ZER1: variants seen among roughly 807,000 people sequenced by gnomAD.
The protein encoded by ZER1 is zyg-11 related cell cycle regulator, also known as protein zer-1 homolog.
ZER1 carries 11 observed loss-of-function variants against 78.8 expected under a neutral mutation model. That is an observed-to-expected ratio of 0.14 (90% CI 0.09 to 0.23). The LOEUF (loss-of-function observed/expected upper bound fraction) is 0.23. Ranked by LOEUF, ZER1 falls within the 10% of genes least tolerant of loss-of-function variation. The probability of loss-of-function intolerance (pLI) is 1.00; values close to 1 mark genes in which losing one functional copy is unlikely to be tolerated. For missense variants in ZER1, 588 were observed against 996.9 expected, an observed-to-expected ratio of 0.59 and a Z score of 5.52; for synonymous variants, 400 against 407.0, an observed-to-expected ratio of 0.98 and a Z score of 0.21.
intron 8 of ZER1, among the ~76,000 whole-genome samples, chr9:128,750,149 C>T (rs1368890603): frequency 6.6e-6 from 1 of 152,174 alleles, no homozygotes. Context: ...GTTTGTGTAT[C>T]CCATTTACAA....
chr9:128,735,680 GGAGACCTCAGCAAGGAGCA>G (rs1319826848), intron 13 of ZER1, among the ~76,000 whole-genome samples: 2 of 149,424 alleles, frequency 1.3e-5, no homozygotes, highest in Non-Finnish European at 3.0e-5. Context: ...GCAGAAAGCT[GGAGACCTCAGCAAGGAGCA>G]GAGACCCAGC....
Position 128,749,125 on chromosome 9 carries a change from C to T in ZER1, c.1359+1491G>A, listed in dbSNP as rs181828718. Reference sequence around the variant, plus strand: ...GGTGGATCACCTGAGCTCAGGAGTTCGAGACCAGCCTGGCCAACATGGCGA... The same window carrying T: ...GGTGGATCACCTGAGCTCAGGAGTTTGAGACCAGCCTGGCCAACATGGCGA... On this transcript the variant is annotated intron_variant, in intron 8 of 15. Transcript: ENST00000291900. 3.5e-3 allele frequency among the ~76,000 whole-genome samples: 529 copies of T among 149,886 alleles called. 3 individuals carry two copies. Among genetic ancestry groups the T allele is most frequent in the African/African-American group, 0.012 (491 of 40,826 alleles).
In ZER1 at chr9:128,751,926, G is replaced by A. The variant is rs180990933; in HGVS notation, c.924-399C>T. Among the ~76,000 whole-genome samples, 2 of 152,316 alleles carry A rather than the reference G, an allele frequency of 1.3e-5. No individual in the cohort carries two copies. The highest frequency in any genetic ancestry group is 2.4e-5 in the African/African-American group (1 of 41,588). ...TTCTCAACCAACCAATCCAAGAACC[G>A]ACCTATGTCCAGCAATACTCCATAG... is the stretch of plus-strand genomic sequence containing the variant. On this transcript the variant is annotated intron_variant, in intron 5 of 15. Transcript: ENST00000291900. This position sits in a 1 kb window ranked among gnomAD's most constrained non-coding sequence, Gnocchi z 5.4.
intron 1 of ZER1, among the ~76,000 whole-genome samples, chr9:128,766,761 GC>G (rs1864220486): frequency 7.2e-6 from 1 of 138,380 alleles, no homozygotes; most frequent in African/African-American, 2.6e-5. Flanking sequence ...CAGGAGAATC[GC>G]TTGAACCTAG....
intron 1 of ZER1, among the ~76,000 whole-genome samples, chr9:128,759,893 T>C (rs1368816058): frequency 6.6e-6 from 1 of 152,232 alleles, no homozygotes; most frequent in Non-Finnish European, 1.5e-5. Context: ...TGGTTGTTTT[T>C]TTCTGAGACA....
At chr9:128,764,637 G>A (rs1487764632) in intron 1 of ZER1, among the ~76,000 whole-genome samples, 1 of 152,154 alleles carries the variant, frequency 6.6e-6, no homozygotes, top group Non-Finnish European at 1.5e-5. Flanking sequence ...CTGGCACAGA[G>A]ACTGAAGGGC....
intron 1 of ZER1, among the ~76,000 whole-genome samples, chr9:128,759,578 G>A (rs1863976866): frequency 6.6e-6 from 1 of 152,020 alleles, no homozygotes. Flanking sequence ...GGTGGATCAT[G>A]AGGTCAGGAG....
chr9:128,768,148 CA>C (rs1864273796), intron 1 of ZER1, among the ~76,000 whole-genome samples: 1 of 152,120 alleles, frequency 6.6e-6, no homozygotes, highest in Admixed American at 6.5e-5. Context: ...GCTGGAAAAT[CA>C]GTTTCAGCGA....
chr9:128,764,199 G>A (rs1211954709), intron 1 of ZER1, among the ~76,000 whole-genome samples: 1 of 152,110 alleles, frequency 6.6e-6, no homozygotes, highest in East Asian at 1.9e-4. Flanking sequence ...CTCAATGTGG[G>A]GCCTGCCACA....
At chr9:128,736,883 C>A (rs1001150723) in intron 13 of ZER1, among the ~76,000 whole-genome samples, 1 of 151,952 alleles carries the variant, frequency 6.6e-6, no homozygotes, top group African/African-American at 2.4e-5. Context: ...ATGGCTCACA[C>A]CTGTAATCCT....
rs117418656 is a variant in ZER1 at position 128,748,068 on chromosome 9, G to A, written c.1359+2548C>T. Among the ~76,000 whole-genome samples, 530 of 152,136 alleles carry A rather than the reference G, an allele frequency of 3.5e-3. 9 individuals are homozygous for A. In the East Asian group the frequency reaches 0.035, roughly 10 times the overall value. Reference sequence around the variant, plus strand: ...TAGGGGATAGCAAGGGCAACACAGCGAGACCCCGTCACCACATACACACAG... The same window carrying A: ...TAGGGGATAGCAAGGGCAACACAGCAAGACCCCGTCACCACATACACACAG... On this transcript the variant is annotated intron_variant, in intron 8 of 15. Transcript: ENST00000291900.
At position 128,751,039 on chromosome 9, in the gene ZER1, G is replaced by C. The variant is rs1564401469; in HGVS notation, c.1185+83C>G. Reference sequence around the variant, plus strand: ...GGGGACAGGGTGCAGAAGGACACAGGCTCTGGGGACACGGCTCAGCCAAGC... The same window carrying C: ...GGGGACAGGGTGCAGAAGGACACAGCCTCTGGGGACACGGCTCAGCCAAGC... On this transcript the variant is annotated intron_variant, in intron 7 of 15. Coordinates refer to ENST00000291900, the MANE Select transcript of ZER1 (RefSeq NM_006336.4). The surrounding 1 kb of genome is among the most constrained non-coding windows in gnomAD (Gnocchi z 5.4). 2 of 1,508,556 alleles carry C rather than the reference G, an allele frequency of 1.3e-6. No homozygotes were observed. The highest frequency in any genetic ancestry group is 8.9e-7 in the Non-Finnish European group (1 of 1,129,010). 93.4% of individuals were successfully genotyped at this position (1,508,556 alleles called of 1,614,324 possible).
chr9:128,750,452 T>G (rs1297914064), intron 8 of ZER1, among the ~76,000 whole-genome samples, 164 bp downstream of exon 8: 1 of 152,052 alleles, frequency 6.6e-6, no homozygotes, highest in Non-Finnish European at 1.5e-5. Flanking sequence ...CCAGGAGTGA[T>G]GGACTGTGGG....
rs959391144 is a variant in ZER1 at position 128,740,241 on chromosome 9, G to A, written c.1854-122C>T. 1.7e-5 allele frequency: 17 copies of A among 973,346 alleles called. No individual in the cohort carries two copies. Among genetic ancestry groups the A allele is most frequent in the East Asian group, 1.6e-4 (6 of 37,646 alleles). 60.3% of individuals were successfully genotyped at this position (973,346 alleles called of 1,614,324 possible). On this transcript the variant is annotated intron_variant, in intron 12 of 15. Coordinates refer to ENST00000291900, the MANE Select transcript of ZER1 (RefSeq NM_006336.4). This position sits in a 1 kb window ranked among gnomAD's most constrained non-coding sequence, Gnocchi z 4.4. ...GCTACTTATTTCTTTATCCCATATC[G>A]TCTATATACCCAGACTACTTCTAAA...
chr9:128,736,306 G>T (rs539068278), intron 13 of ZER1, among the ~76,000 whole-genome samples: 17 of 151,808 alleles, frequency 1.1e-4, no homozygotes, highest in Non-Finnish European at 1.9e-4. Flanking sequence ...GGTTGGTTTC[G>T]AACTCCTGAC....
At chr9:128,757,137 T>C (rs1863884031) in intron 1 of ZER1, among the ~76,000 whole-genome samples, 1 of 152,188 alleles carries the variant, frequency 6.6e-6, no homozygotes, top group African/African-American at 2.4e-5. Context: ...GGAGTATATC[T>C]TTATGACTTT....
chr9:128,739,749 G>A (rs1403120650), intron 13 of ZER1, among the ~76,000 whole-genome samples, 182 bp downstream of exon 13: 1 of 152,078 alleles, frequency 6.6e-6, no homozygotes, highest in Non-Finnish European at 1.5e-5. Context: ...CTGCACGGAT[G>A]AGATCGTGCC....
intron 1 of ZER1, among the ~76,000 whole-genome samples, chr9:128,768,554 G>A (rs765610437): frequency 2.0e-5 from 3 of 152,244 alleles, no homozygotes; most frequent in East Asian, 3.9e-4. Context: ...AACCAGGTCC[G>A]CAGGTCACCA....
chr9:128,765,370 G>C (rs1440178719), intron 1 of ZER1, among the ~76,000 whole-genome samples: 1 of 152,244 alleles, frequency 6.6e-6, no homozygotes, highest in Non-Finnish European at 1.5e-5. Context: ...AGTACTGCAA[G>C]ATAGAGATTA....
Sources: gnomAD v4.1 joint callset for allele counts (sites outside exome capture counted in the v4.1 genomes callset) on GRCh38, gnomAD v4.1.1 for gene constraint, Gnocchi (gnomAD v3.1) non-coding constraint, MANE v1.5 for transcripts, NCBI Gene and HGNC (gene_info 2026-07-23, HGNC 2026-07-21) for gene names.